The following ALMS1 variants were observed in gnomAD, a reference collection of about 807,000 sequenced individuals.
The protein encoded by ALMS1 is ALMS1 centrosome and basal body associated protein, also known as centrosome-associated protein ALMS1.
A neutral mutation model predicts 352.2 loss-of-function variants in ALMS1; 271 were observed. That is an observed-to-expected ratio of 0.77 (90% CI 0.70 to 0.85). The LOEUF (loss-of-function observed/expected upper bound fraction) is 0.85. ALMS1 is among the 40% of genes least tolerant of loss of function. The pLI is 0.00. For synonymous variants in ALMS1, 1,865 were observed against 1,761.2 expected (o/e 1.06, Z -1.48); for missense variants, 5,445 against 4,870.7 (o/e 1.12, Z -3.51).
At chr2:73,467,212 G>A (rs944092467) in intron 9 of ALMS1, among the ~76,000 whole-genome samples, 1 of 152,050 alleles carries the variant, frequency 6.6e-6, no homozygotes, top group Non-Finnish European at 1.5e-5. Flanking sequence ...GCTACACAGT[G>A]GAAGAGGGTA....
intron 9 of ALMS1, among the ~76,000 whole-genome samples, chr2:73,478,913 C>T (rs543672933): frequency 3.7e-4 from 57 of 152,128 alleles, no homozygotes; most frequent in African/African-American, 1.3e-3. Flanking sequence ...TTGTTCAACT[C>T]CCATTTATGA....
chr2:73,505,170 G>A (rs943385270), intron 10 of ALMS1, among the ~76,000 whole-genome samples: 1 of 152,164 alleles, frequency 6.6e-6, no homozygotes, highest in Admixed American at 6.5e-5. Flanking sequence ...TGTGAATAAT[G>A]CTGCAGTAAA....
Position 73,572,700 on chromosome 2 carries a change from G to A in ALMS1, c.10823G>A (p.Arg3608Gln), listed in dbSNP as rs752052259. ...GAACTGTGGAACAAGTATCGGGAGC[G>A]ACAGAGGCAACAGAGACAGCCTGAG... ...LNELWNKYRE[R>Q]QRQQRQPELG... The change falls in exon 16 of 23, where the codon CGA becomes CAA. Residue 3608 changes from arginine (R) to glutamine (Q), a missense_variant. Arg to Gln is a conservative substitution (Grantham distance 43). Coordinates refer to ENST00000613296, the MANE Select transcript of ALMS1 (RefSeq NM_001378454.1). 34 of 1,613,908 alleles carry A rather than the reference G, an allele frequency of 2.1e-5. No individual in the cohort carries two copies. Among genetic ancestry groups the A allele is most frequent in the Middle Eastern group, 1.6e-4 (1 of 6,082 alleles).
chr2:73,444,333 A>G (rs910087956), intron 7 of ALMS1, among the ~76,000 whole-genome samples: 1 of 150,312 alleles, frequency 6.7e-6, no homozygotes, highest in Non-Finnish European at 1.5e-5. Context: ...TGACCAGGTT[A>G]TAACTTTCCC....
intron 13 of ALMS1, among the ~76,000 whole-genome samples, chr2:73,550,909 A>G (rs1441611151): frequency 6.6e-6 from 1 of 151,888 alleles, no homozygotes; most frequent in African/African-American, 2.4e-5. Context: ...TGATGCAATT[A>G]TAGCTCACTG....
chr2:73,449,672 T>A lies in ALMS1; in HGVS notation c.3145T>A (p.Ser1049Thr). ...KTEIPAVQSSSYPQREKPSVL... is the reference protein window; with the variant it reads ...KTEIPAVQSSTYPQREKPSVL... ...TGAGATACCAGCAGTACAGTCTAGT[T>A]CTTACCCACAGAGGGAGAAGCCTAG... The change falls in exon 8 of 23, where the codon TCT becomes ACT. Residue 1049 changes from serine to threonine, a missense_variant. Physicochemically the swap from Ser to Thr is moderately conservative, Grantham distance 58. Coordinates refer to ENST00000613296, the MANE Select transcript of ALMS1 (RefSeq NM_001378454.1). The A allele has an allele frequency of 6.2e-7, 1 of 1,614,078 alleles. No homozygotes were observed. The highest frequency in any genetic ancestry group is 8.5e-7 in the Non-Finnish European group (1 of 1,179,962).
At chr2:73,586,149 G>A (rs999568467) in intron 16 of ALMS1, among the ~76,000 whole-genome samples, 1 of 152,168 alleles carries the variant, frequency 6.6e-6, no homozygotes, top group African/African-American at 2.4e-5. Context: ...ATTTGTTTGA[G>A]TTCCTTGTAG....
Position 73,608,569 on chromosome 2 carries a change from A to T in ALMS1, c.12457A>T (p.Lys4153Ter). The T allele has an allele frequency of 6.2e-7, 1 of 1,612,824 alleles. No individual in the cohort carries two copies. Among genetic ancestry groups the T allele is most frequent in the Non-Finnish European group, 8.5e-7 (1 of 1,178,868 alleles). Residue 4153 changes from lysine to a stop codon, truncating the protein, a stop_gained, in exon 22 of 23, where the codon AAA (lysine) becomes TAA (stop). Coordinates refer to ENST00000613296, the MANE Select transcript of ALMS1 (RefSeq NM_001378454.1). LOFTEE classifies it high-confidence loss of function. The stretch of plus-strand genomic sequence containing the variant: ...ATACCGGCTGCGAGCCCAGCTATAT[A>T]AAAAGGTCAGTGGGTCCTCTGTCTA... ...KSYRLRAQLY[K>*]KRVTNQLLGR...
intron 16 of ALMS1, among the ~76,000 whole-genome samples, chr2:73,579,936 G>C (rs931753001): frequency 1.3e-5 from 2 of 152,148 alleles, no homozygotes; most frequent in African/African-American, 2.4e-5. Flanking sequence ...AGTTGGAGGA[G>C]TTTCCAACCA....
At position 73,451,489 on chromosome 2, in the gene ALMS1, G is replaced by T. The variant is rs28730853; in HGVS notation, c.4962G>T (p.Lys1654Asn). Reference protein sequence around the residue: ...VSAAPGPADQKTETLPVHSTS... With the variant: ...VSAAPGPADQNTETLPVHSTS... ...CTGCTCCTGGACCAGCTGACCAGAA[G>T]ACTGAGACATTACCAGTACATTCTA... Residue 1654 changes from lysine to asparagine, a missense_variant, in exon 8 of 23, where the codon AAG becomes AAT. Transcript: ENST00000613296. The T allele has an allele frequency of 0.014, 21,833 of 1,614,006 alleles. 935 individuals are homozygous for T. In the Admixed American group the frequency reaches 0.15, roughly 11 times the overall value.
intron 10 of ALMS1, among the ~76,000 whole-genome samples, chr2:73,515,724 A>G (rs1673541041): frequency 6.6e-6 from 1 of 151,768 alleles, no homozygotes; most frequent in Non-Finnish European, 1.5e-5. Context: ...AAATAAGTAC[A>G]ATCAGAAATG....
At chr2:73,507,595 G>T (rs573887802) in intron 10 of ALMS1, among the ~76,000 whole-genome samples, 31 of 152,280 alleles carry the variant, frequency 2.0e-4, no homozygotes, top group African/African-American at 7.2e-4. Flanking sequence ...ATGGTAGTTT[G>T]TATTTCTGTG....
intron 15 of ALMS1, 133 bp downstream of exon 15, chr2:73,559,275 C>T: frequency 9.1e-7 from 1 of 1,100,652 alleles, no homozygotes; most frequent in Non-Finnish European, 1.3e-6. Context: ...TTTTTTAAAA[C>T]TTTCTTGTGT....
chr2:73,602,063 T>C, intron 19 of ALMS1, 122 bp from the exon 20 acceptor site: 2 of 1,026,938 alleles, frequency 1.9e-6, no homozygotes, highest in Non-Finnish European at 1.5e-6. Context: ...CTAGATACTT[T>C]CTCGGCATTT....
intron 16 of ALMS1, among the ~76,000 whole-genome samples, chr2:73,586,211 C>T (rs1423522825): frequency 1.3e-5 from 2 of 152,180 alleles, no homozygotes; most frequent in East Asian, 3.8e-4. Context: ...TAGTTTCTCC[C>T]ATTTTGTGGG....
At chr2:73,598,136 A>G (rs1370767241) in intron 16 of ALMS1, among the ~76,000 whole-genome samples, 1 of 152,222 alleles carries the variant, frequency 6.6e-6, no homozygotes, top group Non-Finnish European at 1.5e-5. Flanking sequence ...TTATGATTCT[A>G]TCAACTTGTA....
At chr2:73,563,139 A>G (rs1423214153) in intron 15 of ALMS1, among the ~76,000 whole-genome samples, 1 of 151,902 alleles carries the variant, frequency 6.6e-6, no homozygotes, top group Non-Finnish European at 1.5e-5. Context: ...AAACAAACCC[A>G]GTTCCATGCT....
At chr2:73,566,949 C>G (rs538026553) in intron 15 of ALMS1, among the ~76,000 whole-genome samples, 1 of 152,210 alleles carries the variant, frequency 6.6e-6, no homozygotes, top group South Asian at 2.1e-4. Flanking sequence ...TGAAGAGATA[C>G]ATGGGCAAGG....
intron 1 of ALMS1, among the ~76,000 whole-genome samples, chr2:73,408,007 T>G (rs1181176597): frequency 2.2e-4 from 33 of 152,328 alleles, no homozygotes; most frequent in Non-Finnish European, 1.5e-5. Context: ...TTGTTTCTGC[T>G]TTGTCCTTTA....
Sources: gnomAD v4.1 joint callset for allele counts (sites outside exome capture counted in the v4.1 genomes callset) on GRCh38, gnomAD v4.1.1 for gene constraint, MANE v1.5 for transcripts, NCBI Gene and HGNC (gene_info 2026-07-23, HGNC 2026-07-21) for gene names.